MAGI2: variants seen among roughly 807,000 people sequenced by gnomAD.
The protein encoded by MAGI2 is membrane-associated guanylate kinase, WW and PDZ domain-containing protein 2.
Under a neutral mutation model 133.3 loss-of-function variants are expected in MAGI2, and 35 were observed. That is an observed-to-expected ratio of 0.26 (90% CI 0.20 to 0.35). The LOEUF (loss-of-function observed/expected upper bound fraction) is 0.35, where lower values mean the gene tolerates loss of function less well. Among genes scored for constraint, MAGI2 ranks in the 10% least tolerant of loss-of-function variants. MAGI2 has a pLI of 1.00. For missense variants in MAGI2, 1,636 were observed against 1,863.4 expected, an observed-to-expected ratio of 0.88 and a Z score of 2.25; for synonymous variants, 729 against 710.6, an observed-to-expected ratio of 1.03 and a Z score of -0.41.
intron 2 of MAGI2, among the ~76,000 whole-genome samples, chr7:78,902,950 C>T (rs942390805): frequency 2.0e-5 from 3 of 152,012 alleles, no homozygotes; most frequent in African/African-American, 7.2e-5. Context: ...CACAGCTTTC[C>T]CAGCTTAGCT....
At chr7:79,240,000 C>T (rs888634846) in intron 1 of MAGI2, among the ~76,000 whole-genome samples, 2 of 152,132 alleles carry the variant, frequency 1.3e-5, no homozygotes, top group South Asian at 2.1e-4. Context: ...CAATGAAAGC[C>T]CAAATCCTTT....
Position 78,759,999 on chromosome 7 carries a change from C to T in MAGI2, c.419-132760G>A, listed in dbSNP as rs553226522. On this transcript the variant is annotated intron_variant, in intron 2 of 21. Coordinates refer to ENST00000354212, the MANE Select transcript of MAGI2 (RefSeq NM_012301.4). ...GCGTGGTGGCATGTGCCTGTAATCC[C>T]AGCTACTCAGGAGGCTGAGGCAGAA... Among the ~76,000 whole-genome samples the T allele has an allele frequency of 5.5e-4, 83 of 152,210 alleles. 1 individual carries two copies. The highest frequency in any genetic ancestry group is 2.0e-3 in the African/African-American group (81 of 41,534).
intron 2 of MAGI2, among the ~76,000 whole-genome samples, chr7:78,780,539 G>A (rs112846079): frequency 3.0e-4 from 46 of 152,202 alleles, no homozygotes; most frequent in African/African-American, 9.6e-4. Flanking sequence ...TTTCAGTTCC[G>A]TAATATAACT....
chr7:79,184,964 G>A (rs1316395032), intron 1 of MAGI2, among the ~76,000 whole-genome samples: 1 of 151,654 alleles, frequency 6.6e-6, no homozygotes, highest in Non-Finnish European at 1.5e-5. Context: ...ATCAATGAAG[G>A]AAAGGGCCAT....
chr7:79,354,099 G>A (rs908863555), intron 1 of MAGI2: 1 of 152,482 alleles, frequency 6.6e-6, no homozygotes, highest in Non-Finnish European at 1.5e-5. Context: ...TAAGGAACAT[G>A]GAGGCCATGC....
At chr7:78,142,341 C>T (rs78408795) in intron 16 of MAGI2, among the ~76,000 whole-genome samples, 70 of 152,162 alleles carry the variant, frequency 4.6e-4, no homozygotes, top group African/African-American at 1.4e-3. Context: ...TAGTGTCTGC[C>T]GTGGAAGGTG....
At chr7:79,361,532 AGAGACACAGGCAGCTG>A (rs1416427512) in intron 1 of MAGI2, among the ~76,000 whole-genome samples, 2 of 152,188 alleles carry the variant, frequency 1.3e-5, no homozygotes, top group African/African-American at 4.8e-5. Flanking sequence ...TTAGCAAGGC[AGAGACACAGGCAGCTG>A]GATGTCATGA....
chr7:79,194,089 A>C (rs1433782750), intron 1 of MAGI2, among the ~76,000 whole-genome samples: 1 of 151,950 alleles, frequency 6.6e-6, no homozygotes, highest in Non-Finnish European at 1.5e-5. Context: ...AATTGAAAGA[A>C]TCTCCTACGA....
intron 2 of MAGI2, among the ~76,000 whole-genome samples, chr7:78,950,371 T>G (rs1050692254): frequency 6.6e-6 from 1 of 152,212 alleles, no homozygotes; most frequent in Non-Finnish European, 1.5e-5. Context: ...ATTTGGATTA[T>G]TGCTTTAAAA....
intron 21 of MAGI2, among the ~76,000 whole-genome samples, chr7:78,038,402 T>A (rs201321383): frequency 0.59 from 88,811 of 151,546 alleles, 27,200 homozygotes; most frequent in African/African-American, 0.78. Context: ...CTTGATGTTT[T>A]ACTTTTTAAT....
chr7:78,557,136 A>T (rs377107016), intron 3 of MAGI2, among the ~76,000 whole-genome samples: 193 of 151,600 alleles, frequency 1.3e-3, no homozygotes, highest in African/African-American at 4.5e-3. Context: ...AGGTGAGGAA[A>T]CTGAGGCTAG....
chr7:79,289,703 C>G (rs185674367), intron 1 of MAGI2, among the ~76,000 whole-genome samples: 5 of 152,094 alleles, frequency 3.3e-5, no homozygotes, highest in African/African-American at 7.2e-5. Context: ...ATCCACTTCT[C>G]GAGATAATCT....
chr7:79,306,191 A>ATATATTTTATATATATGTG, intron 1 of MAGI2, among the ~76,000 whole-genome samples: 1 of 145,572 alleles, frequency 6.9e-6, no homozygotes, highest in Non-Finnish European at 1.5e-5. Flanking sequence ...ATATACACAT[A>ATATATTTTATATATATGTG]TATATATACA....
chr7:78,329,925 C>T (rs798316), intron 9 of MAGI2, among the ~76,000 whole-genome samples: 110,781 of 152,038 alleles, frequency 0.73, 40,560 homozygotes, highest in East Asian at 0.81. Context: ...CTGAAAATTT[C>T]CTGATACCTC....
At chr7:78,564,505 G>T (rs1015922441) in intron 3 of MAGI2, among the ~76,000 whole-genome samples, 4 of 152,110 alleles carry the variant, frequency 2.6e-5, no homozygotes, top group Non-Finnish European at 5.9e-5. Context: ...GATAATTTTT[G>T]AAGTTATTTG....
intron 2 of MAGI2, among the ~76,000 whole-genome samples, chr7:78,960,062 C>A (rs555264620): frequency 3.2e-4 from 48 of 152,118 alleles, no homozygotes; most frequent in African/African-American, 1.1e-3. Context: ...AAGTAGATAC[C>A]AATACCACTT....
chr7:79,176,999 C>T (rs184268361), intron 1 of MAGI2: 1 of 151,934 alleles, frequency 6.6e-6, no homozygotes. Context: ...GATGCGGAAT[C>T]AGAAAGCAGC....
chr7:78,634,642 G>A (rs1194698557), intron 2 of MAGI2, among the ~76,000 whole-genome samples: 1 of 152,144 alleles, frequency 6.6e-6, no homozygotes, highest in Non-Finnish European at 1.5e-5. Context: ...TCTTGAAGTG[G>A]TTACTTACTT....
intron 2 of MAGI2, among the ~76,000 whole-genome samples, chr7:78,860,643 C>T (rs576530475): frequency 1.9e-3 from 288 of 152,254 alleles, no homozygotes; most frequent in Non-Finnish European, 3.5e-3. Flanking sequence ...TATGAGGTGT[C>T]ATTCGGCCCC....
Sources: gnomAD v4.1 joint callset for allele counts (sites outside exome capture counted in the v4.1 genomes callset) on GRCh38, gnomAD v4.1.1 for gene constraint, MANE v1.5 for transcripts, NCBI Gene and HGNC (gene_info 2026-07-23, HGNC 2026-07-21) for gene names.